DENND5B: variants seen among roughly 807,000 people sequenced by gnomAD.
DENND5B encodes DENN domain containing 5B, also known as DENN domain-containing protein 5B.
DENND5B carries 34 observed loss-of-function variants against 140.6 expected under a neutral mutation model. The observed-to-expected ratio is 0.24, with a 90% CI of 0.18 to 0.32. The LOEUF (loss-of-function observed/expected upper bound fraction) is 0.32. Among genes scored for constraint, DENND5B ranks in the 10% least tolerant of loss-of-function variants. The pLI, the probability that DENND5B is intolerant of heterozygous loss-of-function variation, is 1.00. For missense variants in DENND5B, 1,142 were observed against 1,560.2 expected (o/e 0.73, Z 4.52); for synonymous variants, 551 against 562.1 (o/e 0.98, Z 0.28).
intron 1 of DENND5B, 182 bp downstream of exon 1, chr12:31,590,524 C>G (rs1217316370): frequency 6.7e-6 from 5 of 744,976 alleles, no homozygotes; most frequent in Non-Finnish European, 9.6e-6. Context: ...CCGCAAAGCC[C>G]GCACGCGGAA....
intron 1 of DENND5B, among the ~76,000 whole-genome samples, chr12:31,579,431 G>A (rs994946624): frequency 1.3e-5 from 2 of 152,182 alleles, no homozygotes; most frequent in Admixed American, 6.5e-5. Flanking sequence ...GGTAGCCGAG[G>A]GGGGTGATCA....
At position 31,527,394 on chromosome 12, in the gene DENND5B, G is replaced by C. The variant is rs1172573939; in HGVS notation, c.128-31475C>G. ...GAGGAGAGAAAGCTCCAGAGGTTAC[G>C]GGCGGCCAGATCATATGAGGGATCT... On this transcript the variant is annotated intron_variant, in intron 1 of 20. Transcript: ENST00000389082. Among the ~76,000 whole-genome samples, 5 of 152,100 alleles carry C rather than the reference G, an allele frequency of 3.3e-5. No individual in the cohort carries two copies. The East Asian group carries it at 7.7e-4, about 23-fold the overall frequency.
At chr12:31,529,774 C>T (rs955182688) in intron 1 of DENND5B, among the ~76,000 whole-genome samples, 1 of 151,142 alleles carries the variant, frequency 6.6e-6, no homozygotes, top group African/African-American at 2.4e-5. Context: ...AAATGCCCAA[C>T]ACAAAATCAC....
At chr12:31,554,530 C>A (rs1949202513) in intron 1 of DENND5B, among the ~76,000 whole-genome samples, 1 of 152,144 alleles carries the variant, frequency 6.6e-6, no homozygotes, top group Non-Finnish European at 1.5e-5. Flanking sequence ...GTGAATCTGA[C>A]AATTATGTGT....
intron 7 of DENND5B, among the ~76,000 whole-genome samples, chr12:31,438,890 C>T (rs1943903277): frequency 6.6e-6 from 1 of 151,934 alleles, no homozygotes; most frequent in South Asian, 2.1e-4. Context: ...AAGGAAGGCA[C>T]AAAAATATAA....
At chr12:31,520,791 C>T (rs1427533495) in intron 1 of DENND5B, among the ~76,000 whole-genome samples, 2 of 152,070 alleles carry the variant, frequency 1.3e-5, no homozygotes, top group East Asian at 1.9e-4. Context: ...CCACACACCT[C>T]GGCCTCCCAA....
At chr12:31,403,897 CAAA>C (rs751708684) in intron 14 of DENND5B, among the ~76,000 whole-genome samples, 6,330 of 35,442 alleles carry the variant, frequency 0.18, 297 homozygotes, top group Non-Finnish European at 0.21. Flanking sequence ...ACTCCATCTC[CAAA>C]AAAAAAAAAA....
intron 3 of DENND5B, among the ~76,000 whole-genome samples, chr12:31,472,565 T>C (rs1380429606): frequency 6.6e-6 from 1 of 152,076 alleles, no homozygotes. Flanking sequence ...GCATTGGGAT[T>C]ACAGACATGA....
At chr12:31,535,143 A>G (rs1948442122) in intron 1 of DENND5B, 1 of 335,050 alleles carries the variant, frequency 3.0e-6, no homozygotes, top group Non-Finnish European at 5.6e-6. Flanking sequence ...ACACTGAGGT[A>G]AGAAAGAAGC....
chr12:31,422,989 G>A (rs1943093912), intron 11 of DENND5B, among the ~76,000 whole-genome samples: 1 of 146,332 alleles, frequency 6.8e-6, no homozygotes, highest in Non-Finnish European at 1.5e-5. Context: ...CACCCAGGCT[G>A]TAGTGCAGTG....
intron 1 of DENND5B, among the ~76,000 whole-genome samples, chr12:31,512,173 C>T (rs1947446900): frequency 6.6e-6 from 1 of 151,820 alleles, no homozygotes; most frequent in African/African-American, 2.4e-5. Flanking sequence ...CCTCGGCCTC[C>T]TAAAGTGTTG....
At chr12:31,478,909 G>A (rs924560677) in intron 3 of DENND5B, among the ~76,000 whole-genome samples, 2 of 152,070 alleles carry the variant, frequency 1.3e-5, no homozygotes, top group East Asian at 3.9e-4. Flanking sequence ...AAAATCCATA[G>A]TTTGTTATTT....
chr12:31,461,308 C>G (rs1945010829), intron 3 of DENND5B, among the ~76,000 whole-genome samples: 2 of 152,046 alleles, frequency 1.3e-5, no homozygotes, highest in African/African-American at 4.8e-5. Flanking sequence ...TATGTCTAAC[C>G]CCTAGCCACA....
intron 1 of DENND5B, among the ~76,000 whole-genome samples, chr12:31,585,166 CA>C (rs990654276): frequency 2.0e-5 from 3 of 152,252 alleles, no homozygotes; most frequent in African/African-American, 7.2e-5. Context: ...CATTAGGAAT[CA>C]AATTTCAACA....
rs755203578 is a variant in DENND5B at position 31,403,895 on chromosome 12, TC to T, written c.2804-1253del. 5.6e-3 allele frequency among the ~76,000 whole-genome samples: 77 copies of T among 13,682 alleles called. 9 individuals are homozygous for T. Among genetic ancestry groups the T allele is most frequent in the Admixed American group, 9.1e-3 (5 of 550 alleles). The allele number at this position is 13,682 out of a possible 152,430, so 9.0% of individuals were successfully genotyped here. ...TGGGCAACAGGAGTGAAACTCCATC[TC>T]CAAAAAAAAAAAAAAAAAAAAAAAA... is the stretch of plus-strand genomic sequence containing the variant. On this transcript the variant is annotated intron_variant, in intron 14 of 20. Transcript: ENST00000389082.
intron 14 of DENND5B, among the ~76,000 whole-genome samples, chr12:31,406,078 C>T (rs1246970411): frequency 6.6e-6 from 1 of 151,784 alleles, no homozygotes; most frequent in Non-Finnish European, 1.5e-5. Flanking sequence ...ACCTCCTGAC[C>T]TCAGGTGATC....
Position 31,548,278 on chromosome 12 carries a change from C to A in DENND5B, c.127+42428G>T, listed in dbSNP as rs574109768. On this transcript the variant is annotated intron_variant, in intron 1 of 20. Transcript: ENST00000389082. ...GACATGGTGGCATATACCTATAGCC[C>A]CAGCTATTCGGAAAGCTGAGGTATA... Among the ~76,000 whole-genome samples, 73 of 151,846 alleles carry A rather than the reference C, an allele frequency of 4.8e-4. 1 individual carries two copies. The South Asian group carries it at 0.011, about 23-fold the overall frequency.
intron 13 of DENND5B, among the ~76,000 whole-genome samples, chr12:31,409,718 A>T (rs1297157980): frequency 6.6e-6 from 1 of 152,066 alleles, no homozygotes; most frequent in East Asian, 1.9e-4. Context: ...ACCTCAGGTG[A>T]TCCATCTGCC....
chr12:31,573,396 G>T (rs1012052159), intron 1 of DENND5B, among the ~76,000 whole-genome samples: 1 of 152,162 alleles, frequency 6.6e-6, no homozygotes, highest in African/African-American at 2.4e-5. Flanking sequence ...GCTGTCACCT[G>T]ACCTATTCAA....
Sources: allele counts gnomAD v4.1 joint callset (sites outside exome capture counted in the v4.1 genomes callset), GRCh38; gene constraint gnomAD v4.1.1; transcripts MANE v1.5; gene names NCBI Gene and HGNC (gene_info 2026-07-23, HGNC 2026-07-21).